WDR44: variants seen among roughly 807,000 people sequenced by gnomAD.
WDR44 encodes the protein WD repeat domain 44.
In WDR44, 9 loss-of-function variants were observed where a neutral mutation model predicts 65.7. The observed-to-expected ratio is 0.14, with a 90% CI of 0.08 to 0.24. WDR44 has a LOEUF of 0.24. Ranked by LOEUF, WDR44 falls within the 10% of genes least tolerant of loss-of-function variation. The pLI is 1.00. For missense variants in WDR44, 425 were observed against 670.9 expected (o/e 0.63, Z 4.05); for synonymous variants, 220 against 235.2 (o/e 0.94, Z 0.59).
At chrX:118,385,238 G>T (rs2056755621) in intron 2 of WDR44, among the ~76,000 whole-genome samples, 2 of 111,990 alleles carry the variant, frequency 1.8e-5, no homozygotes, top group Admixed American at 1.9e-4. Context: ...CAATAGCAAA[G>T]ACATGAAATC....
At chrX:118,383,488 G>C (rs920995175) in intron 2 of WDR44, among the ~76,000 whole-genome samples, 2 of 111,145 alleles carry the variant, frequency 1.8e-5, no homozygotes, top group African/African-American at 6.5e-5. Flanking sequence ...ATTTTATGTA[G>C]CTTAATTTAG....
intron 12 of WDR44, among the ~76,000 whole-genome samples, chrX:118,411,658 C>T (rs2057014160): frequency 8.9e-6 from 1 of 111,971 alleles, no homozygotes. Flanking sequence ...TCTTCCATCT[C>T]CTTACATTTA....
chrX:118,413,300 A>G (rs918984177), intron 12 of WDR44, among the ~76,000 whole-genome samples: 1 of 112,318 alleles, frequency 8.9e-6, no homozygotes, highest in African/African-American at 3.2e-5. Flanking sequence ...ATTAGTTTAC[A>G]TTCCCACTAG....
At chrX:118,440,120 C>CAAAAA (rs36033722) in intron 14 of WDR44, among the ~76,000 whole-genome samples, 4 of 68,728 alleles carry the variant, frequency 5.8e-5, no homozygotes, top group Admixed American at 5.1e-4. Flanking sequence ...ACCCCATCAC[C>CAAAAA]AAAAAAAAAA....
intron 1 of WDR44, among the ~76,000 whole-genome samples, chrX:118,352,696 T>C (rs2056425888): frequency 9.1e-6 from 1 of 109,999 alleles, no homozygotes; most frequent in South Asian, 3.9e-4. Context: ...GGCAAGCACC[T>C]TTAAGAGGCT....
At chrX:118,385,632 G>T (rs188088511) in intron 2 of WDR44, among the ~76,000 whole-genome samples, 1 of 110,508 alleles carries the variant, frequency 9.0e-6, no homozygotes, top group East Asian at 2.8e-4. Flanking sequence ...TAACAAATCT[G>T]CACATGTACC....
intron 13 of WDR44, among the ~76,000 whole-genome samples, chrX:118,434,680 C>T (rs188334186): frequency 9.0e-6 from 1 of 111,550 alleles, no homozygotes; most frequent in African/African-American, 3.3e-5. Context: ...ATATCCCCAA[C>T]CCCTCCACCC....
intron 12 of WDR44, among the ~76,000 whole-genome samples, chrX:118,424,059 A>G (rs1168168019): frequency 9.1e-6 from 1 of 109,770 alleles, no homozygotes; most frequent in East Asian, 2.8e-4. Flanking sequence ...TGCAGTGAAC[A>G]TGGGAGTTCA....
At position 118,359,250 on chromosome X, in the gene WDR44, GAAATTACTTTAAGTCATTAATAGA is replaced by G. The variant is rs1343815153; in HGVS notation, c.77+12671_77+12694del. On this transcript the variant is annotated intron_variant, in intron 1 of 19. Coordinates refer to ENST00000254029, the MANE Select transcript of WDR44 (RefSeq NM_019045.5). ...ATCTGTTTCTGTCTTGATTTTACTG[GAAATTACTTTAAGTCATTAATAGA>G]TTTGACTTTTATTCTAACCTACTTT... Among the ~76,000 whole-genome samples, 3 of 112,042 alleles carry G rather than the reference GAAATTACTTTAAGTCATTAATAGA, an allele frequency of 2.7e-5. No individual in the cohort carries two copies. The Admixed American group carries it at 2.8e-4, about 11-fold the overall frequency.
chrX:118,377,089 G>C (rs149005505), intron 1 of WDR44, among the ~76,000 whole-genome samples: 1 of 110,337 alleles, frequency 9.1e-6, no homozygotes, highest in Non-Finnish European at 1.9e-5. Context: ...GGTACACAGT[G>C]GTTCGTTCCT....
chrX:118,388,695 T>TA (rs1419043189), intron 3 of WDR44, among the ~76,000 whole-genome samples: 1 of 111,930 alleles, frequency 8.9e-6, no homozygotes, highest in Non-Finnish European at 1.9e-5. Context: ...ACCATTTTTT[T>TA]AAAAAAATAA....
intron 12 of WDR44, among the ~76,000 whole-genome samples, chrX:118,427,683 CT>C (rs1226853723): frequency 0.26 from 23,438 of 91,393 alleles, 2,652 homozygotes; most frequent in African/African-American, 0.38. Flanking sequence ...GGGCAGGAAT[CT>C]TTTTTTTTTT....
chrX:118,366,021 C>T (rs1175952384), intron 1 of WDR44, among the ~76,000 whole-genome samples: 2 of 111,756 alleles, frequency 1.8e-5, no homozygotes, highest in African/African-American at 3.2e-5. Context: ...CTCAGATACA[C>T]TGGGACATAA....
chrX:118,352,352 A>ATATATTTTTTTTTT (rs1357425730), intron 1 of WDR44, among the ~76,000 whole-genome samples: 4 of 14,224 alleles, frequency 2.8e-4, no homozygotes, highest in African/African-American at 1.1e-3. Context: ...ATATATATAT[A>ATATATTTTTTTTTT]TTTTTTTTTT....
chrX:118,402,878 A>C (rs1341613748), intron 8 of WDR44, among the ~76,000 whole-genome samples: 2 of 112,614 alleles, frequency 1.8e-5, no homozygotes, highest in South Asian at 7.3e-4. Context: ...GATTGCTATA[A>C]AAGAAAAGTT....
At chrX:118,432,975 C>G in intron 13 of WDR44, 81 bp downstream of exon 13, 1 of 907,036 alleles carries the variant, frequency 1.1e-6, no homozygotes, top group Non-Finnish European at 1.6e-6. Context: ...AATTTCTTCT[C>G]CGGGAAACCT....
intron 3 of WDR44, 65 bp downstream of exon 3, chrX:118,387,479 A>T: frequency 1.2e-6 from 1 of 849,168 alleles, no homozygotes; most frequent in Non-Finnish European, 1.7e-6. Flanking sequence ...TATATTTCAA[A>T]CAGCTTTTAT....
chrX:118,398,818 T>C (rs2056888394), intron 8 of WDR44, among the ~76,000 whole-genome samples: 1 of 111,089 alleles, frequency 9.0e-6, no homozygotes, highest in Non-Finnish European at 1.9e-5. Context: ...TCCCAGCTAC[T>C]TGGGAGGCTG....
At chrX:118,378,709 C>CGTGTGT (rs61698360) in intron 2 of WDR44, among the ~76,000 whole-genome samples, 129 of 94,444 alleles carry the variant, frequency 1.4e-3, no homozygotes, top group South Asian at 2.9e-3. Flanking sequence ...AATAAAAGAA[C>CGTGTGT]GTGTGTGTGT....
Sources: allele counts gnomAD v4.1 joint callset (sites outside exome capture counted in the v4.1 genomes callset), GRCh38; gene constraint gnomAD v4.1.1; transcripts MANE v1.5; gene names NCBI Gene and HGNC (gene_info 2026-07-23, HGNC 2026-07-21).